CSMD1: variants seen among roughly 807,000 people sequenced by gnomAD.
CSMD1 encodes CUB and sushi domain-containing protein 1.
A neutral mutation model predicts 417.5 loss-of-function variants in CSMD1; 213 were observed. The observed-to-expected ratio is 0.51, with a 90% CI of 0.46 to 0.57. The LOEUF (loss-of-function observed/expected upper bound fraction) is 0.57, where lower values mean the gene tolerates loss of function less well. Ranked by LOEUF, CSMD1 falls within the 20% of genes least tolerant of loss-of-function variation. The pLI is 0.00. For missense variants in CSMD1, 6,923 were observed against 4,529.7 expected (o/e 1.53, Z -15.17); for synonymous variants, 2,862 against 1,736.8 (o/e 1.65, Z -16.11).
chr8:4,240,067 A>G (rs566552739), intron 3 of CSMD1, among the ~76,000 whole-genome samples: 5 of 152,356 alleles, frequency 3.3e-5, no homozygotes, highest in Admixed American at 6.5e-5. Flanking sequence ...TTATTACTCA[A>G]TTAAGCTTTA....
At chr8:4,227,934 C>A (rs1629108) in intron 3 of CSMD1, among the ~76,000 whole-genome samples, 5 of 148,674 alleles carry the variant, frequency 3.4e-5, no homozygotes, top group African/African-American at 1.2e-4. Flanking sequence ...CACACCTAGA[C>A]ACACACCCTC....
chr8:4,107,774 G>C (rs1244822445), intron 3 of CSMD1, among the ~76,000 whole-genome samples: 1 of 152,182 alleles, frequency 6.6e-6, no homozygotes, highest in Non-Finnish European at 1.5e-5. Flanking sequence ...GCACGAGGCT[G>C]TCACCACCTG....
At chr8:3,324,062 AG>A (rs1806336528) in intron 23 of CSMD1, among the ~76,000 whole-genome samples, 1 of 148,764 alleles carries the variant, frequency 6.7e-6, no homozygotes. Context: ...TTGTTAAAAT[AG>A]ACACACACCC....
At chr8:4,301,943 A>T (rs1291119485) in intron 3 of CSMD1, among the ~76,000 whole-genome samples, 2 of 152,194 alleles carry the variant, frequency 1.3e-5, no homozygotes, top group Non-Finnish European at 2.9e-5. Flanking sequence ...TTTTCAAACT[A>T]ATGCCTTATC....
chr8:4,399,024 A>C (rs773057899), intron 3 of CSMD1, among the ~76,000 whole-genome samples: 2 of 152,376 alleles, frequency 1.3e-5, no homozygotes, highest in Admixed American at 6.5e-5. Flanking sequence ...AGCTTTGTAA[A>C]TAAGTATGAG....
At chr8:3,705,951 C>T (rs1413394315) in intron 7 of CSMD1, among the ~76,000 whole-genome samples, 1 of 152,226 alleles carries the variant, frequency 6.6e-6, no homozygotes, top group African/African-American at 2.4e-5. Context: ...CCAGTGTCAC[C>T]TTGGGTATCA....
chr8:4,652,788 G>C (rs1002060296), intron 1 of CSMD1, among the ~76,000 whole-genome samples: 2 of 152,156 alleles, frequency 1.3e-5, no homozygotes, highest in Admixed American at 1.3e-4. Context: ...TTTCTGTGAA[G>C]GGTGTGGGGA....
intron 5 of CSMD1, among the ~76,000 whole-genome samples, chr8:3,758,218 C>G (rs896880763): frequency 6.6e-6 from 1 of 152,208 alleles, no homozygotes. Flanking sequence ...ACCCCATCAT[C>G]TTCCCAGAGT....
At chr8:4,005,299 A>T (rs1303877448) in intron 4 of CSMD1, among the ~76,000 whole-genome samples, 1 of 152,168 alleles carries the variant, frequency 6.6e-6, no homozygotes, top group Non-Finnish European at 1.5e-5. Flanking sequence ...AAAATAAAAT[A>T]ATAAAAAAAG....
intron 3 of CSMD1, among the ~76,000 whole-genome samples, chr8:4,368,612 G>T (rs1394572550): frequency 6.6e-6 from 1 of 152,064 alleles, no homozygotes; most frequent in African/African-American, 2.4e-5. Context: ...AGGACTTTTG[G>T]TTGGTAGGCT....
chr8:4,484,601 G>T (rs1801271026), intron 2 of CSMD1, among the ~76,000 whole-genome samples: 1 of 152,096 alleles, frequency 6.6e-6, no homozygotes, highest in Non-Finnish European at 1.5e-5. Context: ...AACTTGGAGG[G>T]CTGACGTGAC....
At chr8:3,421,369 G>C (rs578004247) in intron 12 of CSMD1, among the ~76,000 whole-genome samples, 2 of 152,262 alleles carry the variant, frequency 1.3e-5, no homozygotes, top group Non-Finnish European at 2.9e-5. Context: ...TGAATGGGCA[G>C]AGATAAAGGA....
intron 5 of CSMD1, among the ~76,000 whole-genome samples, chr8:3,936,541 T>C (rs571135923): frequency 4.1e-4 from 63 of 152,266 alleles, no homozygotes; most frequent in African/African-American, 1.5e-3. Flanking sequence ...CTATGCTCCA[T>C]CAATGGAACA....
chr8:3,481,249 G>A (rs779102566), intron 11 of CSMD1, among the ~76,000 whole-genome samples: 1 of 150,482 alleles, frequency 6.6e-6, no homozygotes. Context: ...AAATGAAGGA[G>A]AAAAGAAAAG....
chr8:2,965,934 C>T lies in CSMD1; in HGVS notation c.9121G>A (p.Gly3041Ser), dbSNP rs772139129. 3 of 1,607,542 alleles carry T rather than the reference C, an allele frequency of 1.9e-6. No homozygotes were observed. The highest frequency in any genetic ancestry group is 1.7e-6 in the Non-Finnish European group (2 of 1,176,936). Residue 3041 changes from glycine to serine, a missense_variant, in exon 59 of 70, where the codon GGC (glycine) becomes AGC (serine). Physicochemically the swap from Gly to Ser is moderately conservative, Grantham distance 56. Transcript: ENST00000635120. Reference sequence around the variant, plus strand: ...AACTGGATGCCATTTGCTAGTGTGCCTGGATCCCCACAACTTATAACTAAT... The same window carrying T: ...AACTGGATGCCATTTGCTAGTGTGCTTGGATCCCCACAACTTATAACTAAT... The part of the protein sequence containing the change: ...DCTIISCGDP[G>S]TLANGIQFGT...
Position 3,190,008 on chromosome 8 carries a change from T to G in CSMD1, c.5302A>C (p.Asn1768His), listed in dbSNP as rs913129720. The G allele has an allele frequency of 2.5e-6, 4 of 1,598,254 alleles. No individual in the cohort carries two copies. In the African/African-American group the frequency reaches 4.0e-5, roughly 16 times the overall value. Residue 1768 changes from asparagine to histidine, a missense_variant, in exon 34 of 70, where the codon AAC (asparagine) becomes CAC (histidine). Asn to His is a moderately conservative substitution (Grantham distance 68). Coordinates refer to ENST00000635120, the MANE Select transcript of CSMD1 (RefSeq NM_033225.6). ...GAACCCTGAAGCAGGTATCCCGGGT[T>G]GCACTCGAATCGGACGATGGAGCCG... ...SAGSIVRFEC[N>H]PGYLLQGSTA...
chr8:3,724,882 T>C (rs1185654636), intron 6 of CSMD1, among the ~76,000 whole-genome samples: 1 of 152,240 alleles, frequency 6.6e-6, no homozygotes, highest in Non-Finnish European at 1.5e-5. Flanking sequence ...TTCAGACTAT[T>C]GTCGCTATTA....
chr8:3,127,960 G>A (rs1239636316), intron 41 of CSMD1: 2 of 125,000 alleles, frequency 1.6e-5, no homozygotes, highest in Non-Finnish European at 3.3e-5. Flanking sequence ...AGGAAGGAAA[G>A]AGGGAGGGAG....
chr8:3,348,814 A>T (rs1026445956), intron 21 of CSMD1, among the ~76,000 whole-genome samples: 3 of 152,206 alleles, frequency 2.0e-5, no homozygotes, highest in Non-Finnish European at 4.4e-5. Context: ...CCTCTTATCA[A>T]GGTAAAAGTG....
Sources: gnomAD v4.1 joint callset for allele counts (sites outside exome capture counted in the v4.1 genomes callset) on GRCh38, gnomAD v4.1.1 for gene constraint, MANE v1.5 for transcripts, NCBI Gene and HGNC (gene_info 2026-07-23, HGNC 2026-07-21) for gene names.